OPTC: variants seen among roughly 807,000 people sequenced by gnomAD.
The protein encoded by OPTC is opticin.
OPTC carries 22 observed loss-of-function variants against 25.4 expected under a neutral mutation model. That is an observed-to-expected ratio of 0.87 (90% CI 0.62 to 1.24). OPTC has a LOEUF of 1.24. OPTC is among the 50% of genes most tolerant of loss of function. OPTC has a pLI of 0.00. For synonymous variants in OPTC, 169 were observed against 179.3 expected (o/e 0.94, Z 0.46); for missense variants, 417 against 425.2 (o/e 0.98, Z 0.17).
chr1:203,503,402 T>C, intron 6 of OPTC, 148 bp from the exon 7 acceptor site: 1 of 786,290 alleles, frequency 1.3e-6, no homozygotes, highest in African/African-American at 1.7e-5. Context: ...CTTCTCACCC[T>C]TGTTGTGTGG....
At chr1:203,506,016 T>A (rs539849183) in intron 7 of OPTC, among the ~76,000 whole-genome samples, 2 of 152,100 alleles carry the variant, frequency 1.3e-5, no homozygotes, top group East Asian at 3.9e-4. Context: ...ACCAATCCTA[T>A]CCCCTTCCAT....
At chr1:203,505,360 G>A (rs1661463492) in intron 7 of OPTC, among the ~76,000 whole-genome samples, 1 of 152,342 alleles carries the variant, frequency 6.6e-6, no homozygotes, top group Admixed American at 6.5e-5. Flanking sequence ...TAGGGGTCCA[G>A]AAGATCTTGC....
At chr1:203,498,979 G>C (rs959238901) in intron 4 of OPTC, 140 bp downstream of exon 4, 2 of 901,168 alleles carry the variant, frequency 2.2e-6, no homozygotes, top group South Asian at 1.5e-5. Context: ...CTGTCAAAGG[G>C]AAATAGCCCG....
chr1:203,503,649 C>G lies in OPTC; in HGVS notation c.928C>G (p.Pro310Ala). ...GGAAGACATCCGCCTGGATGGCAACCCCATCAACCTCAGCCTCTTCCCCAG... is the reference window on the plus strand; with the variant it reads ...GGAAGACATCCGCCTGGATGGCAACGCCATCAACCTCAGCCTCTTCCCCAG... Reference protein sequence around the residue: ...QLEDIRLDGNPINLSLFPSAY... With the variant: ...QLEDIRLDGNAINLSLFPSAY... The change falls in exon 7 of 8, where the codon CCC becomes GCC. Residue 310 changes from proline to alanine, a missense_variant. Physicochemically the swap from Pro to Ala is conservative, Grantham distance 27. Coordinates refer to ENST00000367222, the MANE Select transcript of OPTC (RefSeq NM_014359.4). The G allele has an allele frequency of 6.2e-7, 1 of 1,613,400 alleles. No individual in the cohort carries two copies. Among genetic ancestry groups the G allele is most frequent in the Non-Finnish European group, 8.5e-7 (1 of 1,180,018 alleles).
chr1:203,507,141 G>C (rs1438073051), intron 7 of OPTC, among the ~76,000 whole-genome samples: 2 of 152,226 alleles, frequency 1.3e-5, no homozygotes, highest in Admixed American at 6.5e-5. Context: ...CCCCACAGCT[G>C]TTCCTTCTCG....
At position 203,499,721 on chromosome 1, in the gene OPTC, A is replaced by C. The variant is rs937694959; in HGVS notation, c.602A>C (p.His201Pro). ...SIDNDAFRLL[H>P]ALQDLILPEN... Reference sequence around the variant, plus strand: ...GATAATGATGCCTTCCGCCTGCTACATGCCCTCCAGGACCTCATCCTCCCA... The same window carrying C: ...GATAATGATGCCTTCCGCCTGCTACCTGCCCTCCAGGACCTCATCCTCCCA... Residue 201 changes from histidine (H) to proline (P), a missense_variant, in exon 5 of 8, where the codon CAT becomes CCT. Coordinates refer to ENST00000367222, the MANE Select transcript of OPTC (RefSeq NM_014359.4). The C allele has an allele frequency of 1.2e-5, 20 of 1,613,356 alleles. 1 individual carries two copies. In the Middle Eastern group the frequency reaches 1.2e-3, roughly 93 times the overall value.
chr1:203,495,953 C>A lies in OPTC; in HGVS notation c.-41-12C>A. The stretch of plus-strand genomic sequence containing the variant: ...CCTCAGATCGCTGCCCTTCCTCGTG[C>A]CCACTTGCCAGGACCAGCCGCTGAA... On this transcript the variant is annotated splice_polypyrimidine_tract_variant and intron_variant, in intron 1 of 7. Coordinates refer to ENST00000367222, the MANE Select transcript of OPTC (RefSeq NM_014359.4). 1 of 1,297,976 alleles carries A rather than the reference C, an allele frequency of 7.7e-7. No individual in the cohort carries two copies. 80.4% of individuals were successfully genotyped at this position (1,297,976 alleles called of 1,614,324 possible).
rs763193281 is a variant in OPTC at position 203,498,782 on chromosome 1, C to T, written c.472C>T (p.Leu158=). 9.3e-6 allele frequency: 15 copies of T among 1,614,100 alleles called. No individual in the cohort carries two copies. Among genetic ancestry groups the T allele is most frequent in the Non-Finnish European group, 1.3e-5 (15 of 1,180,014 alleles). Residue 158 remains leucine (L), a synonymous_variant, in exon 4 of 8, where the codon CTG becomes TTG. Transcript: ENST00000367222. The part of the protein sequence containing the change: ...IPPLPRRTAY[L]YARFNRISRI... Reference sequence around the variant, plus strand: ...TCCTCTTCCTCGGAGGACTGCCTACCTGTATGCACGCTTCAACCGCATCAG... The same window carrying T: ...TCCTCTTCCTCGGAGGACTGCCTACTTGTATGCACGCTTCAACCGCATCAG...
chr1:203,498,863 G>A (rs1183483732), intron 4 of OPTC, 24 bp downstream of exon 4: 1 of 1,613,128 alleles, frequency 6.2e-7, no homozygotes, highest in Admixed American at 1.7e-5. Context: ...TGGGAAAAGA[G>A]GAGTGGGGGC....
chr1:203,504,572 T>A (rs1178686297), intron 7 of OPTC, among the ~76,000 whole-genome samples: 1 of 152,230 alleles, frequency 6.6e-6, no homozygotes, highest in Non-Finnish European at 1.5e-5. Flanking sequence ...CAGCTCCCCC[T>A]ACCTGCACAC....
chr1:203,502,852 C>T, intron 5 of OPTC, 62 bp from the exon 6 acceptor site: 1 of 1,295,726 alleles, frequency 7.7e-7, no homozygotes, highest in Non-Finnish European at 1.1e-6. Context: ...TCTCATAGCC[C>T]TCCTCACTGC....
intron 2 of OPTC, among the ~76,000 whole-genome samples, chr1:203,496,711 C>T (rs993688726): frequency 1.3e-5 from 2 of 152,074 alleles, no homozygotes; most frequent in African/African-American, 4.8e-5. Context: ...GAGCAGGTTT[C>T]GTCTCTGCCT....
chr1:203,495,983 T>C lies in OPTC; in HGVS notation c.-23T>C. 1 of 1,559,678 alleles carries C rather than the reference T, an allele frequency of 6.4e-7. No homozygotes were observed. Among genetic ancestry groups the C allele is most frequent in the Non-Finnish European group, 8.8e-7 (1 of 1,137,358 alleles). On this transcript the variant is annotated 5_prime_UTR_variant, in exon 2 of 8. Transcript: ENST00000367222. ...TTGCCAGGACCAGCCGCTGAAGGGA[T>C]TCTCAGTCCCATCTGACTCCCCATG...
chr1:203,503,582 C>A lies in OPTC; in HGVS notation c.861C>A (p.Val287=). The change falls in exon 7 of 8, where the codon GTC becomes GTA. Residue 287 remains valine (V), a synonymous_variant. Transcript: ENST00000367222. ...TGATAGAGACCATGCAGAGAGACGTCTTCTGTGACCCCGAGGAGCACAAAC... is the reference window on the plus strand; with the variant it reads ...TGATAGAGACCATGCAGAGAGACGTATTCTGTGACCCCGAGGAGCACAAAC... The part of the protein sequence containing the change: ...NNLIETMQRD[V]FCDPEEHKHT... 1 of 1,613,718 alleles carries A rather than the reference C, an allele frequency of 6.2e-7. No individual in the cohort carries two copies. Among genetic ancestry groups the A allele is most frequent in the Non-Finnish European group, 8.5e-7 (1 of 1,180,026 alleles).
At chr1:203,503,125 T>C in intron 6 of OPTC, 116 bp downstream of exon 6, 1 of 783,442 alleles carries the variant, frequency 1.3e-6, no homozygotes, top group Non-Finnish European at 2.2e-6. Context: ...GGGGTCTCCT[T>C]GATTGGAGGG....
chr1:203,499,805 G>T lies in OPTC; in HGVS notation c.686G>T (p.Arg229Leu). Residue 229 changes from arginine to leucine, a missense_variant, in exon 5 of 8, where the codon CGC becomes CTC. Arg to Leu is a moderately radical substitution (Grantham distance 102). Coordinates refer to ENST00000367222, the MANE Select transcript of OPTC (RefSeq NM_014359.4). Reference protein sequence around the residue: ...LPSGIEFLDVRLNRLQSSGIQ... With the variant: ...LPSGIEFLDVLLNRLQSSGIQ... Reference sequence around the variant, plus strand: ...AGTGGCATTGAGTTCCTGGATGTCCGCCTAAATCGGCTCCAGAGCTCGGGG... The same window carrying T: ...AGTGGCATTGAGTTCCTGGATGTCCTCCTAAATCGGCTCCAGAGCTCGGGG... 6.2e-7 allele frequency: 1 copy of T among 1,612,538 alleles called. No homozygotes were observed. The highest frequency in any genetic ancestry group is 1.1e-5 in the South Asian group (1 of 91,068).
At chr1:203,504,834 C>T (rs940665778) in intron 7 of OPTC, among the ~76,000 whole-genome samples, 1 of 152,176 alleles carries the variant, frequency 6.6e-6, no homozygotes, top group South Asian at 2.1e-4. Flanking sequence ...CCTTCCCATT[C>T]GCTCCTACAT....
intron 6 of OPTC, among the ~76,000 whole-genome samples, 195 bp downstream of exon 6, chr1:203,503,204 AT>A: frequency 6.6e-6 from 1 of 152,060 alleles, no homozygotes. Flanking sequence ...GATTTTCTCC[AT>A]TTTTTCTTTT....
In OPTC at chr1:203,498,851, C is replaced by T; in HGVS notation, c.529+12C>T. 1 of 1,613,576 alleles carries T rather than the reference C, an allele frequency of 6.2e-7. No individual in the cohort carries two copies. The highest frequency in any genetic ancestry group is 8.5e-7 in the Non-Finnish European group (1 of 1,179,978). On this transcript the variant is annotated intron_variant, in intron 4 of 7. Coordinates refer to ENST00000367222, the MANE Select transcript of OPTC (RefSeq NM_014359.4). ...CTTCAAAGGGCTGAGTATGTAATGC[C>T]CTGGGAAAAGAGGAGTGGGGGCAGG...
Sources: allele counts gnomAD v4.1 joint callset (sites outside exome capture counted in the v4.1 genomes callset), GRCh38; gene constraint gnomAD v4.1.1; transcripts MANE v1.5; gene names NCBI Gene and HGNC (gene_info 2026-07-23, HGNC 2026-07-21).